KLF12: variants seen among roughly 807,000 people sequenced by gnomAD.
KLF12 encodes Krueppel-like factor 12.
A neutral mutation model predicts 37.8 loss-of-function variants in KLF12; 9 were observed. The observed-to-expected ratio is 0.24, with a 90% CI of 0.14 to 0.42. KLF12 has a LOEUF of 0.42. KLF12 is among the 10% of genes least tolerant of loss of function. The probability of loss-of-function intolerance (pLI) is 1.00; values close to 1 mark genes in which losing one functional copy is unlikely to be tolerated. For synonymous variants in KLF12, 208 were observed against 202.1 expected (o/e 1.03, Z -0.25); for missense variants, 411 against 516.0 (o/e 0.80, Z 1.97).
intron 3 of KLF12, among the ~76,000 whole-genome samples, chr13:73,857,625 A>C (rs1885674068): frequency 6.6e-6 from 1 of 152,186 alleles, no homozygotes. Context: ...ACAGATGGCA[A>C]TTTTAAATTT....
intron 5 of KLF12, among the ~76,000 whole-genome samples, chr13:73,798,555 C>A (rs1247698235): frequency 6.6e-6 from 1 of 152,014 alleles, no homozygotes; most frequent in African/African-American, 2.4e-5. Context: ...CTATAAGGAA[C>A]TTAAATTTAC....
intron 6 of KLF12, among the ~76,000 whole-genome samples, chr13:73,749,335 C>G (rs989795902): frequency 6.6e-6 from 1 of 152,168 alleles, no homozygotes; most frequent in Non-Finnish European, 1.5e-5. Flanking sequence ...ATTTAAATCT[C>G]ATTCTAAATC....
At chr13:74,044,626 C>T (rs1352381602) in intron 1 of KLF12, among the ~76,000 whole-genome samples, 1 of 152,098 alleles carries the variant, frequency 6.6e-6, no homozygotes, top group African/African-American at 2.4e-5. Flanking sequence ...GCAGGTGAAT[C>T]ACGAGGTCAG....
Position 73,689,087 on chromosome 13 carries a change from T to A in KLF12, c.*6403A>T, listed in dbSNP as rs1383438422. 1 of 152,150 alleles carries A rather than the reference T, an allele frequency of 6.6e-6. No homozygotes were observed. Among genetic ancestry groups the A allele is most frequent in the Admixed American group, 6.5e-5 (1 of 15,270 alleles). 9.4% of individuals were successfully genotyped at this position (152,150 alleles called of 1,614,324 possible). ...TAATAAAGAATAGCTATTATCTTCA[T>A]GGTTTGCTGAATGTGTAACCTTTCA... On this transcript the variant is annotated 3_prime_UTR_variant, in exon 8 of 8. Transcript: ENST00000377669.
At chr13:73,878,996 T>C (rs1886849039) in intron 3 of KLF12, among the ~76,000 whole-genome samples, 1 of 152,198 alleles carries the variant, frequency 6.6e-6, no homozygotes, top group African/African-American at 2.4e-5. Context: ...AGGGCTGATA[T>C]GATCTGATTT....
At chr13:74,032,690 A>G (rs924983857) in intron 1 of KLF12, among the ~76,000 whole-genome samples, 12 of 152,190 alleles carry the variant, frequency 7.9e-5, no homozygotes, top group African/African-American at 2.9e-4. Context: ...TTTGTAATTT[A>G]CCACCTGATC....
intron 4 of KLF12, among the ~76,000 whole-genome samples, chr13:73,833,337 A>C (rs1884264655): frequency 6.6e-6 from 1 of 152,240 alleles, no homozygotes; most frequent in Non-Finnish European, 1.5e-5. Flanking sequence ...AGAAACTACT[A>C]AAACCTAAAT....
chr13:74,259,427 A>G, the KLF12 span: 2 of 152,146 alleles, frequency 1.3e-5, no homozygotes, highest in Admixed American at 1.3e-4. Flanking sequence ...ATACACACAG[A>G]ATTTTGCCTT....
chr13:74,186,083 T>C, the KLF12 span, among the ~76,000 whole-genome samples: 3 of 152,182 alleles, frequency 2.0e-5, no homozygotes, highest in Non-Finnish European at 4.4e-5. Flanking sequence ...CACCAGATGA[T>C]AACGTATTCT....
chr13:74,205,077 A>ATT, the KLF12 span, among the ~76,000 whole-genome samples: 2 of 151,754 alleles, frequency 1.3e-5, no homozygotes, highest in African/African-American at 4.8e-5. Context: ...GTTGCCATGT[A>ATT]TTTTTTTTGG....
At chr13:74,169,451 A>G in the KLF12 span, among the ~76,000 whole-genome samples, 1 of 152,222 alleles carries the variant, frequency 6.6e-6, no homozygotes, top group African/African-American at 2.4e-5. Context: ...ATCCAGGTAT[A>G]TCTTATTCTA....
At chr13:74,205,073 A>C in the KLF12 span, among the ~76,000 whole-genome samples, 88 of 150,584 alleles carry the variant, frequency 5.8e-4, 1 homozygote, top group Non-Finnish European at 2.2e-4. Flanking sequence ...CATGGTTGCC[A>C]TGTATTTTTT....
At chr13:73,742,911 C>T (rs1878104271) in intron 6 of KLF12, among the ~76,000 whole-genome samples, 1 of 152,012 alleles carries the variant, frequency 6.6e-6, no homozygotes, top group African/African-American at 2.4e-5. Flanking sequence ...CCATGAAGGA[C>T]TTGATATGGC....
intron 1 of KLF12, among the ~76,000 whole-genome samples, chr13:74,127,722 T>C (rs1878021999): frequency 6.6e-6 from 1 of 152,256 alleles, no homozygotes; most frequent in Admixed American, 6.5e-5. Context: ...ATTCAATAAA[T>C]GTACAAATAA....
chr13:73,864,627 C>A (rs1431840257), intron 3 of KLF12, among the ~76,000 whole-genome samples: 1 of 152,034 alleles, frequency 6.6e-6, no homozygotes. Context: ...CCAAAATATT[C>A]AATCCAAAAG....
intron 6 of KLF12, among the ~76,000 whole-genome samples, chr13:73,721,272 A>G (rs1876224288): frequency 6.6e-6 from 1 of 152,216 alleles, no homozygotes; most frequent in Non-Finnish European, 1.5e-5. Flanking sequence ...TTTTAATTAC[A>G]ATGTTATGCT....
the KLF12 span, among the ~76,000 whole-genome samples, chr13:74,242,552 G>T: frequency 1.3e-5 from 2 of 152,340 alleles, no homozygotes; most frequent in South Asian, 4.1e-4. Context: ...AATTACGGGA[G>T]CTACAATTCA....
intron 4 of KLF12, among the ~76,000 whole-genome samples, chr13:73,828,800 C>T (rs1037956615): frequency 3.3e-5 from 5 of 151,820 alleles, no homozygotes; most frequent in Admixed American, 6.6e-5. Context: ...GCTTCATTTC[C>T]GCTTCTTTTA....
At chr13:73,933,637 T>C (rs1036501122) in intron 3 of KLF12, among the ~76,000 whole-genome samples, 5 of 152,152 alleles carry the variant, frequency 3.3e-5, no homozygotes, top group Admixed American at 6.5e-5. Flanking sequence ...TAAGTTTTCA[T>C]TGTAAGTATA....
Sources: allele counts gnomAD v4.1 joint callset (sites outside exome capture counted in the v4.1 genomes callset), GRCh38; gene constraint gnomAD v4.1.1; transcripts MANE v1.5; gene names NCBI Gene and HGNC (gene_info 2026-07-23, HGNC 2026-07-21).